SOX6: variants seen among roughly 807,000 people sequenced by gnomAD.
SOX6 encodes SRY-box transcription factor 6, also known as transcription factor SOX-6.
A neutral mutation model predicts 97.8 loss-of-function variants in SOX6; 11 were observed. That is an observed-to-expected ratio of 0.11 (90% confidence interval 0.07 to 0.19). The LOEUF is 0.19. SOX6 is among the 10% of genes least tolerant of loss of function. The probability of loss-of-function intolerance (pLI) is 1.00; values close to 1 mark genes in which losing one functional copy is unlikely to be tolerated. For missense variants in SOX6, 810 were observed against 1,039.5 expected (o/e 0.78, Z 3.04); for synonymous variants, 360 against 371.4 (o/e 0.97, Z 0.35).
intron 6 of SOX6, among the ~76,000 whole-genome samples, chr11:16,180,138 G>T (rs1851309528): frequency 6.6e-6 from 1 of 151,688 alleles, no homozygotes; most frequent in Non-Finnish European, 1.5e-5. Context: ...ATCAAGAAAT[G>T]AGGATTTATA....
intron 3 of SOX6, among the ~76,000 whole-genome samples, chr11:16,708,462 A>G (rs996280300): frequency 6.6e-6 from 1 of 152,244 alleles, no homozygotes; most frequent in African/African-American, 2.4e-5. Flanking sequence ...AAAAAATTAA[A>G]ACACATAGTT....
At chr11:16,226,771 T>C (rs535010813) in intron 4 of SOX6, among the ~76,000 whole-genome samples, 1 of 152,116 alleles carries the variant, frequency 6.6e-6, no homozygotes, top group Admixed American at 6.6e-5. Context: ...AAGATCAAGA[T>C]AAATACTACT....
intron 4 of SOX6, among the ~76,000 whole-genome samples, chr11:16,584,216 A>C (rs569808857): frequency 7.2e-5 from 11 of 152,310 alleles, no homozygotes; most frequent in African/African-American, 2.6e-4. Context: ...ATCCCTTAGC[A>C]TGCATTGGAC....
intron 12 of SOX6, among the ~76,000 whole-genome samples, chr11:16,030,442 T>C (rs757091642): frequency 9.9e-5 from 15 of 152,222 alleles, no homozygotes; most frequent in Admixed American, 3.9e-4. Context: ...TAAGCTGATT[T>C]GACTGCAAAC....
rs1312994975 is a variant in SOX6, at chr11:16,402,678, T to C, written c.-4-61426A>G. ...TCTTACCCCATTTTTCTTCTTTCCT[T>C]CCTCCACCCACTCCTGTTTCACCTG... On this transcript the variant is annotated intron_variant, in intron 1 of 15. Coordinates refer to the SOX6 transcript ENST00000396356. The C allele has an allele frequency of 6.8e-6, 11 of 1,611,060 alleles. No homozygotes were observed. In the Admixed American group the frequency reaches 1.8e-4, roughly 27 times the overall value.
chr11:16,284,687 T>A (rs1039236308), intron 3 of SOX6, among the ~76,000 whole-genome samples: 2 of 152,062 alleles, frequency 1.3e-5, no homozygotes, highest in African/African-American at 4.8e-5. Context: ...TGCAAATGTG[T>A]TTTAGAAGAG....
At chr11:15,987,502 A>G (rs1853893069) in intron 14 of SOX6, among the ~76,000 whole-genome samples, 1 of 152,180 alleles carries the variant, frequency 6.6e-6, no homozygotes, top group East Asian at 1.9e-4. Context: ...TAATGAATAT[A>G]CTTACTATAT....
chr11:16,319,172 G>C (rs975174523), intron 2 of SOX6, among the ~76,000 whole-genome samples: 2 of 152,112 alleles, frequency 1.3e-5, no homozygotes, highest in Admixed American at 6.6e-5. Context: ...AGAAAATACA[G>C]AAATTATCTA....
chr11:16,280,363 A>G (rs1408420709), intron 3 of SOX6, among the ~76,000 whole-genome samples: 1 of 129,732 alleles, frequency 7.7e-6, no homozygotes, highest in Non-Finnish European at 1.6e-5. Flanking sequence ...GAAAGTTATA[A>G]TACTTTATTT....
At chr11:16,136,059 G>A (rs980769250) in intron 6 of SOX6, among the ~76,000 whole-genome samples, 3 of 151,864 alleles carry the variant, frequency 2.0e-5, no homozygotes, top group East Asian at 1.9e-4. Flanking sequence ...TTGCTGTGTC[G>A]CAAGGCTGCA....
intron 6 of SOX6, among the ~76,000 whole-genome samples, chr11:16,116,931 A>G (rs1252463643): frequency 2.0e-5 from 3 of 152,184 alleles, no homozygotes; most frequent in Non-Finnish European, 4.4e-5. Flanking sequence ...GAAAAGTTTC[A>G]TCCTGAAACC....
At chr11:16,040,296 C>T (rs1855626027) in intron 12 of SOX6, among the ~76,000 whole-genome samples, 1 of 151,896 alleles carries the variant, frequency 6.6e-6, no homozygotes, top group Non-Finnish European at 1.5e-5. Context: ...AGAAAAGAGC[C>T]AAACAAGTTT....
chr11:16,655,218 C>T (rs918347694), intron 3 of SOX6, among the ~76,000 whole-genome samples: 6 of 151,818 alleles, frequency 4.0e-5, no homozygotes, highest in African/African-American at 7.3e-5. Context: ...AAAGGACTGA[C>T]GTTTGGTTCC....
intron 2 of SOX6, among the ~76,000 whole-genome samples, chr11:16,729,198 G>A (rs1386188835): frequency 6.6e-6 from 1 of 152,126 alleles, no homozygotes; most frequent in Non-Finnish European, 1.5e-5. Flanking sequence ...AGCAAGGCAG[G>A]CCAACGTTCA....
At chr11:16,064,740 T>C (rs1848050291) in intron 9 of SOX6, among the ~76,000 whole-genome samples, 1 of 151,906 alleles carries the variant, frequency 6.6e-6, no homozygotes, top group South Asian at 2.1e-4. Context: ...TGATACATCA[T>C]ATCAACAGAA....
chr11:16,136,331 T>TTG (rs1241616195), intron 6 of SOX6, among the ~76,000 whole-genome samples: 1 of 144,820 alleles, frequency 6.9e-6, no homozygotes, highest in Non-Finnish European at 1.5e-5. Flanking sequence ...GGTATGTACA[T>TTG]TGTGTGTGTG....
At position 16,096,059 on chromosome 11, in the gene SOX6, A is replaced by G. The variant is rs1184528539; in HGVS notation, c.1038T>C (p.Phe346=). ...NQRLKGLSDR[F]GRNLDTFEHG... Reference sequence around the variant, plus strand: ...GTTCAAAGGTGTCCAAATTCCTGCCAAAACGGTCACTTAGGCCCTTTAGCC... The same window carrying G: ...GTTCAAAGGTGTCCAAATTCCTGCCGAAACGGTCACTTAGGCCCTTTAGCC... The change falls in exon 9 of 16, where the codon TTT becomes TTC. Residue 346 remains phenylalanine, a synonymous_variant. Transcript: ENST00000683767. The G allele has an allele frequency of 6.2e-7, 1 of 1,611,804 alleles. No homozygotes were observed. Among genetic ancestry groups the G allele is most frequent in the East Asian group, 2.2e-5 (1 of 44,808 alleles).
chr11:16,514,417 T>G (rs977014164), intron 4 of SOX6, among the ~76,000 whole-genome samples: 1 of 152,128 alleles, frequency 6.6e-6, no homozygotes, highest in African/African-American at 2.4e-5. Flanking sequence ...CCCAAAGAAG[T>G]GCATGATCTT....
At chr11:16,382,312 G>C (rs1001497809) in intron 1 of SOX6, 2 of 152,026 alleles carry the variant, frequency 1.3e-5, no homozygotes, top group African/African-American at 2.4e-5. Context: ...TTAACTTCTT[G>C]CCTTTGTCCT....
Sources: allele counts gnomAD v4.1 joint callset (sites outside exome capture counted in the v4.1 genomes callset), GRCh38; gene constraint gnomAD v4.1.1; transcripts MANE v1.5; gene names NCBI Gene and HGNC (gene_info 2026-07-23, HGNC 2026-07-21).